Variants in DRC11 observed in about 807,000 individuals in gnomAD.
The protein encoded by DRC11 is IQ and AAA domain-containing protein 1.
chr2:236,334,013 T>G, the DRC11 span, among the ~76,000 whole-genome samples: 1 of 152,148 alleles, frequency 6.6e-6, no homozygotes. This position sits in a 1 kb window ranked among gnomAD's most constrained non-coding sequence, Gnocchi z 7.8. Flanking sequence ...TCGGTCAAGA[T>G]TCCTCTGAAT....
At chr2:236,327,311 C>T in the DRC11 span, among the ~76,000 whole-genome samples, 3 of 152,186 alleles carry the variant, frequency 2.0e-5, no homozygotes, top group Non-Finnish European at 4.4e-5. Flanking sequence ...GGCTGGAGTG[C>T]AGTGGCACGA....
chr2:236,465,908 C>G, the DRC11 span, among the ~76,000 whole-genome samples: 1 of 152,146 alleles, frequency 6.6e-6, no homozygotes, highest in East Asian at 1.9e-4. This position sits in a 1 kb window ranked among gnomAD's most constrained non-coding sequence, Gnocchi z 6.2. Context: ...TGACATAATG[C>G]TTTATGTTCT....
At chr2:236,377,181 T>A in the DRC11 span, 2 of 1,608,988 alleles carry the variant, frequency 1.2e-6, no homozygotes, top group Admixed American at 3.3e-5. The surrounding 1 kb of genome is among the most constrained non-coding windows in gnomAD (Gnocchi z 4.9). Context: ...AGAGACTCGA[T>A]GGTCCTGGGG....
chr2:236,469,107 T>C, the DRC11 span, among the ~76,000 whole-genome samples: 7 of 152,244 alleles, frequency 4.6e-5, no homozygotes, highest in South Asian at 4.1e-4. This position sits in a 1 kb window ranked among gnomAD's most constrained non-coding sequence, Gnocchi z 5.8. Context: ...TCAGCTGTCA[T>C]TGGATTTTCC....
chr2:236,423,873 A>G, the DRC11 span, among the ~76,000 whole-genome samples: 1 of 152,174 alleles, frequency 6.6e-6, no homozygotes. Flanking sequence ...ATGCAGCCAT[A>G]AAAAACGATG....
At chr2:236,370,653 AG>A in the DRC11 span, among the ~76,000 whole-genome samples, 2 of 152,152 alleles carry the variant, frequency 1.3e-5, no homozygotes, top group African/African-American at 4.8e-5. This position sits in a 1 kb window ranked among gnomAD's most constrained non-coding sequence, Gnocchi z 5.5. Context: ...TTGGTAGTAT[AG>A]GGGTTGTGAA....
the DRC11 span, among the ~76,000 whole-genome samples, chr2:236,418,272 T>C: frequency 3.9e-5 from 6 of 152,216 alleles, no homozygotes; most frequent in Admixed American, 1.3e-4. Context: ...CCATTCTAAT[T>C]GGCGTGAGAT....
the DRC11 span, among the ~76,000 whole-genome samples, chr2:236,357,486 ATT>A: frequency 7.9e-6 from 1 of 127,238 alleles, no homozygotes; most frequent in East Asian, 2.3e-4. Flanking sequence ...ATATTTATAT[ATT>A]ATAAATACAT....
the DRC11 span, among the ~76,000 whole-genome samples, chr2:236,340,829 G>A: frequency 2.0e-5 from 3 of 152,302 alleles, no homozygotes; most frequent in South Asian, 6.2e-4. Flanking sequence ...TCTGGGCAAT[G>A]TCCAGAGTGA....
the DRC11 span, among the ~76,000 whole-genome samples, chr2:236,308,843 G>A: frequency 6.6e-6 from 1 of 152,188 alleles, no homozygotes; most frequent in East Asian, 1.9e-4. The surrounding 1 kb of genome is among the most constrained non-coding windows in gnomAD (Gnocchi z 6.0). Flanking sequence ...CCACCACACT[G>A]TGCCCCATAA....
At chr2:236,407,933 G>A in the DRC11 span, 10 of 520,480 alleles carry the variant, frequency 1.9e-5, no homozygotes, top group South Asian at 1.3e-4. Context: ...TCCATGGTCT[G>A]GGAGCAGCCA....
chr2:236,348,354 C>G, the DRC11 span, among the ~76,000 whole-genome samples: 1 of 152,146 alleles, frequency 6.6e-6, no homozygotes, highest in Non-Finnish European at 1.5e-5. The surrounding 1 kb of genome is among the most constrained non-coding windows in gnomAD (Gnocchi z 7.4). Flanking sequence ...TATACTGATC[C>G]CGGCTGGGCA....
the DRC11 span, among the ~76,000 whole-genome samples, chr2:236,382,510 C>G: frequency 6.6e-6 from 1 of 152,164 alleles, no homozygotes; most frequent in African/African-American, 2.4e-5. Flanking sequence ...GATAGAATTG[C>G]ATTAATCCTA....
the DRC11 span, among the ~76,000 whole-genome samples, chr2:236,507,066 T>G: frequency 6.6e-6 from 1 of 151,798 alleles, no homozygotes; most frequent in African/African-American, 2.4e-5. Context: ...TTTTCCTTGC[T>G]CACAAGAAGC....
the DRC11 span, among the ~76,000 whole-genome samples, chr2:236,361,074 C>A: frequency 1.3e-5 from 2 of 152,032 alleles, no homozygotes; most frequent in Non-Finnish European, 2.9e-5. This position sits in a 1 kb window ranked among gnomAD's most constrained non-coding sequence, Gnocchi z 5.7. Context: ...CCATGATGAC[C>A]CCGTTTTGAA....
At chr2:236,357,493 A>G in the DRC11 span, among the ~76,000 whole-genome samples, 1 of 127,392 alleles carries the variant, frequency 7.8e-6, no homozygotes, top group African/African-American at 3.1e-5. Flanking sequence ...TATATTATAA[A>G]TACATATTTA....
the DRC11 span, chr2:236,344,599 T>G: frequency 6.2e-7 from 1 of 1,613,756 alleles, no homozygotes; most frequent in South Asian, 1.1e-5. Flanking sequence ...AGGTTTTTTC[T>G]GTGTCTTCAA....
the DRC11 span, among the ~76,000 whole-genome samples, chr2:236,460,483 G>A: frequency 1.4e-4 from 21 of 152,204 alleles, no homozygotes; most frequent in Middle Eastern, 3.4e-3. This position sits in a 1 kb window ranked among gnomAD's most constrained non-coding sequence, Gnocchi z 4.0. Context: ...TGGTTGCCAC[G>A]GGTGCCCAAG....
At chr2:236,422,204 C>T in the DRC11 span, among the ~76,000 whole-genome samples, 598 of 152,190 alleles carry the variant, frequency 3.9e-3, 5 homozygotes, top group African/African-American at 0.014. Flanking sequence ...AAGTTCTGGC[C>T]AGGGCAATTA....
Sources: gnomAD v4.1 joint callset for allele counts (sites outside exome capture counted in the v4.1 genomes callset) on GRCh38, gnomAD v4.1.1 for gene constraint, Gnocchi (gnomAD v3.1) non-coding constraint, MANE v1.5 for transcripts, NCBI Gene and HGNC (gene_info 2026-07-23, HGNC 2026-07-21) for gene names.